Variants in RAI1 observed in about 807,000 individuals in gnomAD.
The protein encoded by RAI1 is retinoic acid induced 1, also known as retinoic acid-induced protein 1.
RAI1 carries 9 observed loss-of-function variants against 123.8 expected under a neutral mutation model. That is an observed-to-expected ratio of 0.07 (90% CI 0.04 to 0.13). The LOEUF is 0.13. Among genes scored for constraint, RAI1 ranks in the 10% least tolerant of loss-of-function variants. The pLI is 1.00. For synonymous variants in RAI1, 1,231 were observed against 1,127.3 expected (o/e 1.09, Z -1.84); for missense variants, 2,256 against 2,545.8 (o/e 0.89, Z 2.45).
At chr17:17,791,445 G>A (rs2032009672) in intron 2 of RAI1, among the ~76,000 whole-genome samples, 1 of 150,548 alleles carries the variant, frequency 6.6e-6, no homozygotes, top group Non-Finnish European at 1.5e-5. Flanking sequence ...CCCCGACTCT[G>A]CGTGCCTCTC....
chr17:17,765,804 G>T (rs181806569), intron 2 of RAI1: 14 of 152,382 alleles, frequency 9.2e-5, no homozygotes, highest in African/African-American at 3.4e-4. Flanking sequence ...GCTCACAGGG[G>T]TGGTAAGACT....
chr17:17,684,023 G>C (rs1048597683), intron 1 of RAI1: 1 of 152,110 alleles, frequency 6.6e-6, no homozygotes, highest in Admixed American at 6.5e-5. Context: ...ACAGGCGCCC[G>C]ACACCACACG....
chr17:17,737,882 T>C (rs926411069), intron 2 of RAI1, among the ~76,000 whole-genome samples: 6 of 152,200 alleles, frequency 3.9e-5, no homozygotes, highest in African/African-American at 1.4e-4. Flanking sequence ...TTATTTCTCT[T>C]CCTTAATTGA....
chr17:17,782,474 C>G (rs1567901446), intron 2 of RAI1, among the ~76,000 whole-genome samples: 1 of 151,824 alleles, frequency 6.6e-6, no homozygotes, highest in Non-Finnish European at 1.5e-5. Flanking sequence ...GCGCCCGGGC[C>G]CCCTCTGCAC....
chr17:17,709,908 G>A (rs1915512059), intron 1 of RAI1, among the ~76,000 whole-genome samples: 2 of 152,208 alleles, frequency 1.3e-5, no homozygotes, highest in African/African-American at 4.8e-5. Context: ...AACCTGCACA[G>A]CAGACAGGCG....
intron 2 of RAI1, among the ~76,000 whole-genome samples, chr17:17,782,836 G>T (rs1162580111): frequency 6.6e-6 from 1 of 152,302 alleles, no homozygotes; most frequent in South Asian, 2.1e-4. Context: ...ACGGGCCTTA[G>T]ATTTTGCTCT....
chr17:17,752,249 A>G (rs1282678420), intron 2 of RAI1, among the ~76,000 whole-genome samples: 3 of 151,508 alleles, frequency 2.0e-5, no homozygotes, highest in South Asian at 2.1e-4. Context: ...GCCCCAGACT[A>G]CTCGTATTTC....
rs1402735523 is a variant in RAI1, at chr17:17,793,082, TGCTCGCCAA to T, written c.136_144del (p.Leu46_Lys48del). ...GGGCTAAGCTGCGACCGGCAGCGGC[TGCTCGCCAA>T]GGACTATTATAACCCGCAGCCTTAC... On this transcript the variant is annotated inframe_deletion, in exon 3 of 6. Coordinates refer to ENST00000353383, the MANE Select transcript of RAI1 (RefSeq NM_030665.4). 1 of 1,613,894 alleles carries T rather than the reference TGCTCGCCAA, an allele frequency of 6.2e-7. No individual in the cohort carries two copies. Among genetic ancestry groups the T allele is most frequent in the Non-Finnish European group, 8.5e-7 (1 of 1,179,976 alleles).
chr17:17,787,575 C>T (rs895397091), intron 2 of RAI1, among the ~76,000 whole-genome samples: 2 of 152,250 alleles, frequency 1.3e-5, no homozygotes, highest in African/African-American at 4.8e-5. Flanking sequence ...TGTGGAATCC[C>T]ATGTTGCTCC....
At chr17:17,716,022 C>T (rs909742259) in intron 1 of RAI1, among the ~76,000 whole-genome samples, 2 of 152,210 alleles carry the variant, frequency 1.3e-5, no homozygotes, top group African/African-American at 4.8e-5. Context: ...GGGAATTGTC[C>T]AAGTCATGCC....
intron 2 of RAI1, among the ~76,000 whole-genome samples, chr17:17,750,142 A>G (rs1412331467): frequency 6.6e-6 from 1 of 152,240 alleles, no homozygotes; most frequent in Non-Finnish European, 1.5e-5. Context: ...TCATGTGACC[A>G]TGCCCAGCTG....
chr17:17,742,730 C>A (rs563677156), intron 2 of RAI1, among the ~76,000 whole-genome samples: 56 of 152,322 alleles, frequency 3.7e-4, no homozygotes, highest in African/African-American at 1.3e-3. Flanking sequence ...GTCCTTTAGA[C>A]CTTCCTCCAG....
chr17:17,688,192 T>C (rs1348509940), intron 1 of RAI1, among the ~76,000 whole-genome samples: 1 of 151,194 alleles, frequency 6.6e-6, no homozygotes, highest in East Asian at 2.0e-4. Flanking sequence ...CCCTTTAAAA[T>C]GAGGATAATA....
chr17:17,790,537 AG>A (rs1002866150), intron 2 of RAI1, among the ~76,000 whole-genome samples: 8 of 152,254 alleles, frequency 5.3e-5, no homozygotes, highest in African/African-American at 1.9e-4. Flanking sequence ...ACAGGCAGGG[AG>A]GGGGTACTGG....
intron 2 of RAI1, among the ~76,000 whole-genome samples, chr17:17,741,031 G>T (rs547803337): frequency 6.6e-6 from 1 of 152,096 alleles, no homozygotes; most frequent in South Asian, 2.1e-4. Context: ...CACCACCCCC[G>T]CCCGCCGTCA....
chr17:17,686,912 C>T (rs1021833153), intron 1 of RAI1, among the ~76,000 whole-genome samples: 1 of 152,126 alleles, frequency 6.6e-6, no homozygotes, highest in South Asian at 2.1e-4. Flanking sequence ...TGCATGGCCC[C>T]AGACAGGAGC....
chr17:17,686,159 C>T (rs1914622746), intron 1 of RAI1, among the ~76,000 whole-genome samples: 1 of 152,364 alleles, frequency 6.6e-6, no homozygotes, highest in South Asian at 2.1e-4. Context: ...ACACAGGACG[C>T]TCAGAAATGC....
At chr17:17,790,640 C>G (rs893569210) in intron 2 of RAI1, among the ~76,000 whole-genome samples, 1 of 152,126 alleles carries the variant, frequency 6.6e-6, no homozygotes, top group East Asian at 1.9e-4. Flanking sequence ...AAAATAAAGC[C>G]GTAGAAATGT....
Position 17,794,775 on chromosome 17 carries a change from C to T in RAI1, c.1827C>T (p.Ser609=), listed in dbSNP as rs78165774. 6.6e-4 allele frequency: 1,069 copies of T among 1,613,048 alleles called. 5 individuals are homozygous for T. In the African/African-American group the frequency reaches 0.013, roughly 19 times the overall value. The change falls in exon 3 of 6, where the codon TCC becomes TCT. Residue 609 remains serine, a synonymous_variant. Coordinates refer to ENST00000353383, the MANE Select transcript of RAI1 (RefSeq NM_030665.4). ...LSALAQEDLA[S]EILGLQEAIG... is the part of the protein sequence containing the mutation. ...CCCTGGCACAGGAGGACCTGGCCTCCGAGATCCTGGGGCTGCAGGAAGCCA... is the reference window on the plus strand; with the variant it reads ...CCCTGGCACAGGAGGACCTGGCCTCTGAGATCCTGGGGCTGCAGGAAGCCA...
Sources: allele counts gnomAD v4.1 joint callset (sites outside exome capture counted in the v4.1 genomes callset), GRCh38; gene constraint gnomAD v4.1.1; transcripts MANE v1.5; gene names NCBI Gene and HGNC (gene_info 2026-07-23, HGNC 2026-07-21).